The following SRPK1 variants were observed in gnomAD, a reference collection of about 807,000 sequenced individuals.
SRPK1 encodes the protein SFRS protein kinase 1.
A neutral mutation model predicts 89.5 loss-of-function variants in SRPK1; 52 were observed. That is an observed-to-expected ratio of 0.58 (90% CI 0.46 to 0.73). The LOEUF (loss-of-function observed/expected upper bound fraction) is 0.73. Among genes scored for constraint, SRPK1 ranks in the 30% least tolerant of loss-of-function variants. The pLI is 0.00. For synonymous variants in SRPK1, 255 were observed against 270.2 expected, an observed-to-expected ratio of 0.94 and a Z score of 0.55; for missense variants, 603 against 780.6, an observed-to-expected ratio of 0.77 and a Z score of 2.71.
At chr6:35,860,048 T>C (rs1430024683) in intron 12 of SRPK1, among the ~76,000 whole-genome samples, 2 of 151,948 alleles carry the variant, frequency 1.3e-5, no homozygotes, top group African/African-American at 4.8e-5. Context: ...GTATTTTTAG[T>C]AGAGACGGGG....
intron 12 of SRPK1, among the ~76,000 whole-genome samples, chr6:35,860,342 A>G (rs897299670): frequency 6.6e-6 from 1 of 152,210 alleles, no homozygotes; most frequent in African/African-American, 2.4e-5. Context: ...CAGGGTGTGA[A>G]TGAATTAACA....
At position 35,874,221 on chromosome 6, in the gene SRPK1, C is replaced by G. The variant is rs1342155921; in HGVS notation, c.585+12G>C. On this transcript the variant is annotated intron_variant, in intron 7 of 15. Coordinates refer to ENST00000373825, the MANE Select transcript of SRPK1 (RefSeq NM_003137.5). ...GTCAAGACTAAGATACTTGCTGATT[C>G]AAGATACATACTTGCTGAATAATTT... is the stretch of plus-strand genomic sequence containing the variant. 1 of 1,577,698 alleles carries G rather than the reference C, an allele frequency of 6.3e-7. No homozygotes were observed. Among genetic ancestry groups the G allele is most frequent in the South Asian group, 1.1e-5 (1 of 88,480 alleles).
intron 9 of SRPK1, among the ~76,000 whole-genome samples, 168 bp from the exon 10 acceptor site, chr6:35,870,662 C>A (rs1770015324): frequency 6.6e-6 from 1 of 152,140 alleles, no homozygotes; most frequent in Non-Finnish European, 1.5e-5. Flanking sequence ...CTCTTATAAA[C>A]CCAAATAAAA....
intron 2 of SRPK1, among the ~76,000 whole-genome samples, chr6:35,903,288 G>A (rs749612841): frequency 6.6e-6 from 1 of 152,142 alleles, no homozygotes; most frequent in Non-Finnish European, 1.5e-5. Context: ...GGGGTGGGCA[G>A]ATTACCTGAG....
rs1164815624 is a variant in SRPK1 at position 35,834,977 on chromosome 6, C to A, written c.*327G>T. Reference sequence around the variant, plus strand: ...ATAAAAGGATGGGCTCATACACCTTCATAGCTCTTTTCAAAAAGGATGCTT... The same window carrying A: ...ATAAAAGGATGGGCTCATACACCTTAATAGCTCTTTTCAAAAAGGATGCTT... On this transcript the variant is annotated 3_prime_UTR_variant, in exon 16 of 16. Transcript: ENST00000373825. The A allele has an allele frequency of 5.1e-6, 1 of 197,544 alleles. No homozygotes were observed. The allele number at this position is 197,544 out of a possible 1,614,324, so 12.2% of individuals were successfully genotyped here.
chr6:35,868,736 T>C (rs1192874028), intron 12 of SRPK1, among the ~76,000 whole-genome samples: 1 of 152,084 alleles, frequency 6.6e-6, no homozygotes, highest in Admixed American at 6.5e-5. Context: ...AAAAACAAGA[T>C]TGGCCAGGAG....
intron 2 of SRPK1, among the ~76,000 whole-genome samples, chr6:35,895,435 TTGTGTGTGTGTGTG>T (rs10566123): frequency 1.4e-5 from 2 of 147,968 alleles, no homozygotes; most frequent in South Asian, 2.1e-4. Context: ...AGGCATATGC[TTGTGTGTGTGTGTG>T]TGTGTGTGTG....
In SRPK1 at chr6:35,869,364, AACTTAG is replaced by A. The variant is rs1769981384; in HGVS notation, c.1411+112_1411+117del. On this transcript the variant is annotated intron_variant, in intron 11 of 15. Coordinates refer to ENST00000373825, the MANE Select transcript of SRPK1 (RefSeq NM_003137.5). ...TAGCTACAGATTACAATTTAAACGT[AACTTAG>A]ACACACCTGTTGTAAAGCTATAGTT... 3.2e-6 allele frequency: 4 copies of A among 1,255,352 alleles called. No individual in the cohort carries two copies. The Admixed American group carries it at 8.6e-5, about 27-fold the overall frequency. The allele number at this position is 1,255,352 out of a possible 1,614,324, so 77.8% of individuals were successfully genotyped here. A position where few individuals can be genotyped will look rare whatever the true frequency, so the allele number is the denominator to read the frequency against.
chr6:35,847,559 A>C (rs1192360436), intron 13 of SRPK1, among the ~76,000 whole-genome samples: 1 of 152,188 alleles, frequency 6.6e-6, no homozygotes, highest in Non-Finnish European at 1.5e-5. Context: ...AAAACCCGTT[A>C]GGACTAATAA....
chr6:35,852,414 G>GC (rs1769574471), intron 13 of SRPK1, among the ~76,000 whole-genome samples: 1 of 152,142 alleles, frequency 6.6e-6, no homozygotes, highest in African/African-American at 2.4e-5. Context: ...CCTCTGTTTA[G>GC]CGGAACACTG....
chr6:35,920,445 G>A (rs1356390169), intron 2 of SRPK1, 23 bp downstream of exon 2: 2 of 1,611,840 alleles, frequency 1.2e-6, no homozygotes, highest in Admixed American at 3.3e-5. Context: ...CCAAAGAATG[G>A]GATGTTGGGG....
intron 2 of SRPK1, among the ~76,000 whole-genome samples, chr6:35,915,337 G>A (rs1420111199): frequency 6.6e-6 from 1 of 150,948 alleles, no homozygotes; most frequent in Non-Finnish European, 1.5e-5. Context: ...AACCCGGGAG[G>A]GGGAGCTTGC....
intron 14 of SRPK1, among the ~76,000 whole-genome samples, chr6:35,841,949 T>C (rs17653835): frequency 0.29 from 44,328 of 151,932 alleles, 6,799 homozygotes; most frequent in South Asian, 0.42. Context: ...ACACAGTTGC[T>C]GCTTCCACAG....
chr6:35,890,931 C>G lies in SRPK1; in HGVS notation c.157G>C (p.Asp53His). The G allele has an allele frequency of 6.4e-7, 1 of 1,553,784 alleles. No homozygotes were observed. Among genetic ancestry groups the G allele is most frequent in the Non-Finnish European group, 8.7e-7 (1 of 1,147,734 alleles). Residue 53 changes from aspartate to histidine, a missense_variant, in exon 3 of 16, where the codon GAT (aspartate) becomes CAT (histidine). Asp to His is a moderately conservative substitution (Grantham distance 81). Coordinates refer to ENST00000373825, the MANE Select transcript of SRPK1 (RefSeq NM_003137.5). The part of the protein sequence containing the change: ...EQEEEILGSD[D>H]DEQEDPNDYC... ...TCATTAGGATCTTCTTGCTCATCAT[C>G]ATCAGATCCCAGAATCTCCTCTTCC...
intron 3 of SRPK1, among the ~76,000 whole-genome samples, chr6:35,889,662 T>C (rs1770477683): frequency 6.6e-6 from 1 of 152,082 alleles, no homozygotes; most frequent in Non-Finnish European, 1.5e-5. Flanking sequence ...TGCATGCCTG[T>C]AGTCCCAGCT....
chr6:35,905,549 G>A (rs1334503921), intron 2 of SRPK1, among the ~76,000 whole-genome samples: 1 of 152,208 alleles, frequency 6.6e-6, no homozygotes, highest in African/African-American at 2.4e-5. Flanking sequence ...ATGAATCTGA[G>A]AAATTAGGTG....
At chr6:35,869,430 T>C in intron 11 of SRPK1, 52 bp downstream of exon 11, 2 of 1,558,416 alleles carry the variant, frequency 1.3e-6, no homozygotes, top group African/African-American at 1.4e-5. Flanking sequence ...TAGAAATCTG[T>C]GAATGTGTTG....
At chr6:35,883,109 G>A (rs1418539109) in intron 6 of SRPK1, among the ~76,000 whole-genome samples, 2 of 152,064 alleles carry the variant, frequency 1.3e-5, no homozygotes, top group Non-Finnish European at 2.9e-5. Context: ...ACCTGGCCAG[G>A]AAATTTTTTT....
chr6:35,898,050 T>C (rs976308670), intron 2 of SRPK1, among the ~76,000 whole-genome samples: 5 of 152,172 alleles, frequency 3.3e-5, no homozygotes, highest in Non-Finnish European at 7.3e-5. Context: ...TATTTGAAAA[T>C]GTATCCATGC....
Sources: allele counts gnomAD v4.1 joint callset (sites outside exome capture counted in the v4.1 genomes callset), GRCh38; gene constraint gnomAD v4.1.1; transcripts MANE v1.5; gene names NCBI Gene and HGNC (gene_info 2026-07-23, HGNC 2026-07-21).